Variants in LMO2 observed in about 807,000 individuals in gnomAD.
LMO2 encodes LIM domain only 2, also known as rhombotin-2.
A neutral mutation model predicts 23.2 loss-of-function variants in LMO2; 20 were observed. That is an observed-to-expected ratio of 0.86 (90% confidence interval 0.61 to 1.25). The LOEUF (loss-of-function observed/expected upper bound fraction) is 1.25, where lower values mean the gene tolerates loss of function less well. Among genes scored for constraint, LMO2 ranks in the 50% most tolerant of loss-of-function variants. The pLI is 0.00. For missense variants in LMO2, 270 were observed against 315.3 expected (o/e 0.86, Z 1.09); for synonymous variants, 123 against 130.2 (o/e 0.94, Z 0.38).
chr11:33,880,866 C>T lies in LMO2; in HGVS notation c.-272+958G>A. On this transcript the variant is annotated intron_variant, in intron 2 of 5. Coordinates refer to ENST00000257818, the MANE Select transcript of LMO2 (RefSeq NM_005574.4). This position sits in a 1 kb window ranked among gnomAD's most constrained non-coding sequence, Gnocchi z 4.3. The stretch of plus-strand genomic sequence containing the variant: ...CCAGTCTCATGAGCTCCAACACATT[C>T]TTCAGTGCAATCAGTGGCAATCCCT... The T allele has an allele frequency of 3.7e-6, 1 of 271,710 alleles. No homozygotes were observed. Among genetic ancestry groups the T allele is most frequent in the South Asian group, 3.6e-5 (1 of 27,516 alleles). 16.8% of individuals were successfully genotyped at this position (271,710 alleles called of 1,614,324 possible).
At chr11:33,860,798 A>G (rs1429061133) in intron 5 of LMO2, among the ~76,000 whole-genome samples, 1 of 152,046 alleles carries the variant, frequency 6.6e-6, no homozygotes, top group Non-Finnish European at 1.5e-5. Context: ...AAACAAACAA[A>G]CAAAAAAACA....
chr11:33,881,495 C>A (rs1857283439), intron 2 of LMO2: 1 of 429,312 alleles, frequency 2.3e-6, no homozygotes, highest in Non-Finnish European at 4.7e-6. Flanking sequence ...ACGGGGCTGG[C>A]ACGGAATGGT....
chr11:33,875,205 A>G (rs1196203728), intron 2 of LMO2, among the ~76,000 whole-genome samples: 2 of 152,242 alleles, frequency 1.3e-5, no homozygotes, highest in African/African-American at 4.8e-5. Flanking sequence ...AATGAAGCAG[A>G]TCAGGTGCTT....
intron 5 of LMO2, among the ~76,000 whole-genome samples, chr11:33,861,827 T>G (rs1409524286): frequency 6.6e-6 from 1 of 152,156 alleles, no homozygotes; most frequent in Non-Finnish European, 1.5e-5. Context: ...GGGAGACAAG[T>G]TCAGGTCCCA....
chr11:33,866,224 T>C (rs1035293774), intron 4 of LMO2, among the ~76,000 whole-genome samples: 2 of 152,200 alleles, frequency 1.3e-5, no homozygotes, highest in African/African-American at 4.8e-5. Flanking sequence ...AAGTGTTCCT[T>C]ATGAATATTT....
At chr11:33,874,950 T>C (rs775327345) in intron 2 of LMO2, among the ~76,000 whole-genome samples, 9 of 152,238 alleles carry the variant, frequency 5.9e-5, no homozygotes, top group Admixed American at 6.5e-5. Flanking sequence ...TTAGCAGTGT[T>C]AAGCTCATAG....
At chr11:33,867,406 G>A (rs1856827866) in intron 4 of LMO2, among the ~76,000 whole-genome samples, 1 of 152,098 alleles carries the variant, frequency 6.6e-6, no homozygotes, top group Non-Finnish European at 1.5e-5. Flanking sequence ...TAAGATATTG[G>A]CTCTGTCTTT....
intron 5 of LMO2, among the ~76,000 whole-genome samples, chr11:33,861,979 T>C (rs1224086439): frequency 6.6e-6 from 1 of 152,096 alleles, no homozygotes; most frequent in Non-Finnish European, 1.5e-5. Flanking sequence ...ATTCTAATAT[T>C]AGTAAAAAAT....
chr11:33,887,299 C>A (rs187047807), intron 1 of LMO2, among the ~76,000 whole-genome samples: 68 of 152,308 alleles, frequency 4.5e-4, no homozygotes, highest in Non-Finnish European at 5.3e-4. Flanking sequence ...GAATACATGT[C>A]CACCATGGTT....
Position 33,864,875 on chromosome 11 carries a change from G to A in LMO2, c.249-58C>T, listed in dbSNP as rs1385834824. 1.3e-6 allele frequency: 2 copies of A among 1,522,088 alleles called. No homozygotes were observed. The highest frequency in any genetic ancestry group is 2.7e-5 in the African/African-American group (2 of 73,112). 94.3% of individuals were successfully genotyped at this position (1,522,088 alleles called of 1,614,324 possible). ...CACCAGAGTGAGACCAGCACCGAGG[G>A]TCCGAGATCGTTTTGGGCCAGACAG... On this transcript the variant is annotated intron_variant, in intron 4 of 5. Transcript: ENST00000257818. This position sits in a 1 kb window ranked among gnomAD's most constrained non-coding sequence, Gnocchi z 4.8.
chr11:33,886,184 CT>C (rs1857402815), intron 1 of LMO2, among the ~76,000 whole-genome samples: 1 of 152,158 alleles, frequency 6.6e-6, no homozygotes, highest in Admixed American at 6.6e-5. Context: ...GGCCACAACT[CT>C]TAAGTCAGAT....
At chr11:33,868,086 C>T (rs1856851537) in intron 4 of LMO2, among the ~76,000 whole-genome samples, 1 of 152,194 alleles carries the variant, frequency 6.6e-6, no homozygotes, top group South Asian at 2.1e-4. Context: ...ACAAACCTAG[C>T]TCATTACAGA....
Position 33,881,486 on chromosome 11 carries a change from C to T in LMO2, c.-272+338G>A, listed in dbSNP as rs531370874. The T allele has an allele frequency of 1.9e-4, 83 of 436,834 alleles. 1 individual carries two copies. Among genetic ancestry groups the T allele is most frequent in the East Asian group, 9.2e-4 (13 of 14,142 alleles). 27.1% of individuals were successfully genotyped at this position (436,834 alleles called of 1,614,324 possible). A position where few individuals can be genotyped will look rare whatever the true frequency, so the allele number is the denominator to read the frequency against. On this transcript the variant is annotated intron_variant, in intron 2 of 5. Coordinates refer to ENST00000257818, the MANE Select transcript of LMO2 (RefSeq NM_005574.4). ...AGCAATTGTGACTTGGGTTGGGAGA[C>T]GGGGCTGGCACGGAATGGTAGCAAG...
chr11:33,866,350 A>C (rs1239851480), intron 4 of LMO2, among the ~76,000 whole-genome samples: 2 of 152,240 alleles, frequency 1.3e-5, no homozygotes, highest in African/African-American at 4.8e-5. Context: ...GGGGAAAAAA[A>C]ATGGCCAGGT....
chr11:33,869,861 G>A lies in LMO2; in HGVS notation c.-145C>T, dbSNP rs1856958954. The A allele has an allele frequency of 9.5e-7, 1 of 1,055,562 alleles. No individual in the cohort carries two copies. Among genetic ancestry groups the A allele is most frequent in the South Asian group, 4.5e-5 (1 of 22,002 alleles). 65.4% of individuals were successfully genotyped at this position (1,055,562 alleles called of 1,614,324 possible). A position where few individuals can be genotyped will look rare whatever the true frequency, so the allele number is the denominator to read the frequency against. On this transcript the variant is annotated 5_prime_UTR_variant, in exon 3 of 6. Transcript: ENST00000257818. ...GTCGCGGCGCGCTGCTCGCCGCCGA[G>A]GGCAGAGAGGGGGCGGCGGCCTAGG...
intron 2 of LMO2, chr11:33,870,660 G>T: frequency 1.3e-6 from 1 of 775,568 alleles, no homozygotes; most frequent in Non-Finnish European, 1.6e-6. Flanking sequence ...GCTGGTGGCG[G>T]AATCCCCTCC....
chr11:33,878,304 G>A (rs1465306606), intron 2 of LMO2, among the ~76,000 whole-genome samples: 1 of 152,168 alleles, frequency 6.6e-6, no homozygotes, highest in South Asian at 2.1e-4. Context: ...TCTGTGCACT[G>A]TGTTACTCTT....
chr11:33,892,051 T>A lies in LMO2; in HGVS notation c.-592A>T, dbSNP rs996284949. 3 of 152,266 alleles carry A rather than the reference T, an allele frequency of 2.0e-5. No individual in the cohort carries two copies. The highest frequency in any genetic ancestry group is 6.5e-5 in the Admixed American group (1 of 15,286). 9.4% of individuals were successfully genotyped at this position (152,266 alleles called of 1,614,324 possible). A position where few individuals can be genotyped will look rare whatever the true frequency, so the allele number is the denominator to read the frequency against. On this transcript the variant is annotated 5_prime_UTR_variant, in exon 1 of 6. Coordinates refer to ENST00000257818, the MANE Select transcript of LMO2 (RefSeq NM_005574.4). ...TCTGCTCAAGGCCCGTTGCTGTTCT[T>A]TGAGGATGTTGCAAATCCAGGGTTT...
intron 2 of LMO2, among the ~76,000 whole-genome samples, chr11:33,872,369 G>C (rs1857045694): frequency 6.6e-6 from 1 of 152,186 alleles, no homozygotes; most frequent in Non-Finnish European, 1.5e-5. Context: ...TATTGCCTAA[G>C]TTATTGTGGG....
Sources: allele counts gnomAD v4.1 joint callset (sites outside exome capture counted in the v4.1 genomes callset), GRCh38; gene constraint gnomAD v4.1.1; non-coding constraint Gnocchi (gnomAD v3.1); transcripts MANE v1.5; gene names NCBI Gene and HGNC (gene_info 2026-07-23, HGNC 2026-07-21).